The following CCDC15 variants were observed in gnomAD, a reference collection of about 807,000 sequenced individuals.
CCDC15 encodes the protein coiled-coil domain-containing protein 15.
A neutral mutation model predicts 114.5 loss-of-function variants in CCDC15; 105 were observed. That is an observed-to-expected ratio of 0.92 (90% CI 0.78 to 1.08). CCDC15 has a LOEUF of 1.08. Ranked by LOEUF, CCDC15 falls within the 50% of genes least tolerant of loss-of-function variation. The pLI is 0.00. For synonymous variants in CCDC15, 334 were observed against 377.8 expected (o/e 0.88, Z 1.34); for missense variants, 1,105 against 1,093.6 (o/e 1.01, Z -0.15).
At chr11:124,972,814 A>G (rs926093239) in intron 4 of CCDC15, among the ~76,000 whole-genome samples, 12 of 152,150 alleles carry the variant, frequency 7.9e-5, no homozygotes, top group East Asian at 1.9e-4. Flanking sequence ...CCATTTTCAC[A>G]TCACCTCCTT....
chr11:125,022,881 A>T (rs1948670918), intron 13 of CCDC15, among the ~76,000 whole-genome samples: 1 of 151,986 alleles, frequency 6.6e-6, no homozygotes, highest in Admixed American at 6.6e-5. Flanking sequence ...CATATTTCTT[A>T]ACAAAAGTTC....
intron 4 of CCDC15, among the ~76,000 whole-genome samples, chr11:124,962,256 G>C (rs1167267663): frequency 6.6e-6 from 1 of 152,114 alleles, no homozygotes; most frequent in Non-Finnish European, 1.5e-5. Flanking sequence ...TTGGGTAAAT[G>C]GTACACATAA....
chr11:124,980,547 C>T (rs1342528150), intron 6 of CCDC15, among the ~76,000 whole-genome samples: 1 of 152,126 alleles, frequency 6.6e-6, no homozygotes, highest in Admixed American at 6.6e-5. Context: ...GATTTTCTAG[C>T]TTGTGTGCAT....
chr11:125,002,955 G>A (rs781566825), intron 11 of CCDC15, among the ~76,000 whole-genome samples: 1 of 151,994 alleles, frequency 6.6e-6, no homozygotes, highest in South Asian at 2.1e-4. Context: ...TTTGATGGAG[G>A]ATTATTAAAT....
intron 4 of CCDC15, among the ~76,000 whole-genome samples, chr11:124,971,272 C>T (rs1008848082): frequency 3.3e-5 from 5 of 152,240 alleles, no homozygotes; most frequent in African/African-American, 1.2e-4. Flanking sequence ...AAAACCCCAT[C>T]TGTAGGTCAC....
intron 3 of CCDC15, 31 bp downstream of exon 3, chr11:124,959,295 T>G: frequency 6.5e-7 from 1 of 1,531,768 alleles, no homozygotes; most frequent in African/African-American, 1.4e-5. Flanking sequence ...GAGTAAAGAT[T>G]GAATGGAAAA....
At chr11:125,025,295 A>G (rs1351696968) in intron 13 of CCDC15, among the ~76,000 whole-genome samples, 1 of 150,946 alleles carries the variant, frequency 6.6e-6, no homozygotes, top group Non-Finnish European at 1.5e-5. Flanking sequence ...TACATTGTGT[A>G]ATGAGATTTG....
intron 15 of CCDC15, 42 bp downstream of exon 15, chr11:125,039,111 G>C: frequency 2.6e-6 from 4 of 1,514,494 alleles, no homozygotes; most frequent in Non-Finnish European, 3.6e-6. Flanking sequence ...ATGGCAACAA[G>C]AAAAATAAAT....
chr11:125,007,754 G>A (rs1013267388), intron 13 of CCDC15, among the ~76,000 whole-genome samples: 8 of 152,016 alleles, frequency 5.3e-5, no homozygotes, highest in African/African-American at 1.9e-4. Flanking sequence ...GTTACTTTTT[G>A]TTGTTTTGAT....
At chr11:125,029,162 A>G (rs1294101396) in intron 13 of CCDC15, among the ~76,000 whole-genome samples, 1 of 152,212 alleles carries the variant, frequency 6.6e-6, no homozygotes, top group Non-Finnish European at 1.5e-5. Flanking sequence ...ACCCAGAGTA[A>G]GAGTGGGTCT....
chr11:124,980,944 G>A (rs1235379549), intron 6 of CCDC15, among the ~76,000 whole-genome samples: 1 of 152,172 alleles, frequency 6.6e-6, no homozygotes, highest in Non-Finnish European at 1.5e-5. Context: ...GTGTCCCACA[G>A]ATTCTGGTAT....
At chr11:124,962,292 T>G (rs539706837) in intron 4 of CCDC15, among the ~76,000 whole-genome samples, 37 of 152,346 alleles carry the variant, frequency 2.4e-4, no homozygotes, top group African/African-American at 8.9e-4. Flanking sequence ...TTAGTACACG[T>G]CTCAGTTTTC....
rs182381193 is a variant in CCDC15, at chr11:125,038,822, C to T, written c.2586-99C>T. Reference sequence around the variant, plus strand: ...GAGGAAATGTCAAGGCCCAGAGATACGGAATAGATTTAACAGTTAAATCTG... The same window carrying T: ...GAGGAAATGTCAAGGCCCAGAGATATGGAATAGATTTAACAGTTAAATCTG... On this transcript the variant is annotated intron_variant, in intron 14 of 15. Transcript: ENST00000344762. 234 of 1,364,552 alleles carry T rather than the reference C, an allele frequency of 1.7e-4. 4 individuals carry two copies. The East Asian group carries it at 2.5e-3, about 14-fold the overall frequency. The allele number at this position is 1,364,552 out of a possible 1,614,324, so 84.5% of individuals were successfully genotyped here. A position where few individuals can be genotyped will look rare whatever the true frequency, so the allele number is the denominator to read the frequency against.
At chr11:125,029,545 G>A (rs1948724811) in intron 13 of CCDC15, among the ~76,000 whole-genome samples, 2 of 152,212 alleles carry the variant, frequency 1.3e-5, no homozygotes, top group Admixed American at 1.3e-4. Context: ...TATTTTCTTA[G>A]TACAGGAGTA....
At chr11:124,981,339 G>A (rs1218308781) in intron 6 of CCDC15, among the ~76,000 whole-genome samples, 2 of 152,102 alleles carry the variant, frequency 1.3e-5, no homozygotes, top group Non-Finnish European at 1.5e-5. Flanking sequence ...TCAGTTTTCT[G>A]CCTTATGATC....
intron 15 of CCDC15, chr11:125,039,374 G>A (rs1948800224): frequency 3.9e-6 from 1 of 259,464 alleles, no homozygotes; most frequent in Non-Finnish European, 7.2e-6. Context: ...ATGTAAGTTA[G>A]GACTCTATCC....
intron 11 of CCDC15, among the ~76,000 whole-genome samples, chr11:124,997,760 G>T (rs1418232191): frequency 6.6e-6 from 1 of 152,114 alleles, no homozygotes; most frequent in Non-Finnish European, 1.5e-5. Context: ...TTGCCAACAA[G>T]GTGAAACCCT....
intron 13 of CCDC15, among the ~76,000 whole-genome samples, chr11:125,026,903 C>T (rs904739396): frequency 6.6e-6 from 1 of 152,112 alleles, no homozygotes; most frequent in Admixed American, 6.6e-5. Flanking sequence ...ACTCTTCCCC[C>T]AAAGCCCCAG....
chr11:125,030,484 T>A (rs1948730746), intron 13 of CCDC15, among the ~76,000 whole-genome samples: 1 of 152,088 alleles, frequency 6.6e-6, no homozygotes, highest in South Asian at 2.1e-4. Flanking sequence ...ATTCTGTGAG[T>A]ACAGAAGCAT....
Sources: allele counts gnomAD v4.1 joint callset (sites outside exome capture counted in the v4.1 genomes callset), GRCh38; gene constraint gnomAD v4.1.1; transcripts MANE v1.5; gene names NCBI Gene and HGNC (gene_info 2026-07-23, HGNC 2026-07-21).